GNPAT: variants seen among roughly 807,000 people sequenced by gnomAD.
The protein encoded by GNPAT is dihydroxyacetone phosphate acyltransferase.
In GNPAT, 30 loss-of-function variants were observed where a neutral mutation model predicts 78.4. The ratio of observed to expected loss-of-function variants is 0.38; its 90% CI spans 0.29 to 0.52. The LOEUF is 0.52. Ranked by LOEUF, GNPAT falls within the 20% of genes least tolerant of loss-of-function variation. The pLI is 0.84. For synonymous variants in GNPAT, 271 were observed against 281.1 expected (o/e 0.96, Z 0.36); for missense variants, 714 against 812.2 (o/e 0.88, Z 1.47).
rs550929523 is a variant in GNPAT at position 231,269,361 on chromosome 1, G to T, written c.1280-1397G>T. ...GATATTAAAGTGTTGGCCCAGATGG[G>T]GTGGTGGGTAGATGGAAAATAAAGA... On this transcript the variant is annotated intron_variant, in intron 9 of 15. Coordinates refer to ENST00000366647, the MANE Select transcript of GNPAT (RefSeq NM_014236.4). 2.3e-3 allele frequency among the ~76,000 whole-genome samples: 347 copies of T among 152,276 alleles called. 1 individual carries two copies. The highest frequency in any genetic ancestry group is 3.9e-3 in the Non-Finnish European group (263 of 68,028).
Position 231,274,007 on chromosome 1 carries a change from A to G in GNPAT, c.1688A>G (p.Asn563Ser). ...TKDILVTEKGNTVLEFLVGLF... is the reference protein window; with the variant it reads ...TKDILVTEKGSTVLEFLVGLF... ...GACATCCTAGTTACAGAGAAAGGAA[A>G]TACTGTGTTAGAATTTTTAGTAGGA... Residue 563 changes from asparagine to serine, a missense_variant, in exon 12 of 16, where the codon AAT (asparagine) becomes AGT (serine). Physicochemically the swap from Asn to Ser is conservative, Grantham distance 46. Transcript: ENST00000366647. 6.2e-7 allele frequency: 1 copy of G among 1,612,456 alleles called. No homozygotes were observed. Among genetic ancestry groups the G allele is most frequent in the Non-Finnish European group, 8.5e-7 (1 of 1,178,426 alleles).
intron 4 of GNPAT, 36 bp from the exon 5 acceptor site, chr1:231,265,257 A>G (rs1347379614): frequency 6.7e-7 from 1 of 1,487,910 alleles, no homozygotes; most frequent in Non-Finnish European, 9.4e-7. Context: ...AGAAGATTTC[A>G]AGATCTGCAA....
chr1:231,272,441 A>C, intron 11 of GNPAT, 50 bp downstream of exon 11: 1 of 978,418 alleles, frequency 1.0e-6, no homozygotes, highest in Non-Finnish European at 1.7e-6. Context: ...TGAGTTCTAG[A>C]AATGTTAGGG....
intron 1 of GNPAT, among the ~76,000 whole-genome samples, chr1:231,246,897 C>T (rs1435336861): frequency 1.3e-5 from 2 of 152,114 alleles, no homozygotes; most frequent in East Asian, 1.9e-4. Flanking sequence ...CGGCCGGGCG[C>T]GTTGGCTCAC....
chr1:231,241,343 A>C lies in GNPAT; in HGVS notation c.-36A>C. 6.4e-7 allele frequency: 1 copy of C among 1,567,432 alleles called. No individual in the cohort carries two copies. On this transcript the variant is annotated 5_prime_UTR_variant, in exon 1 of 16. Coordinates refer to ENST00000366647, the MANE Select transcript of GNPAT (RefSeq NM_014236.4). ...CAGGAGCACCACCACGGCTTAGCAA[A>C]GAATCCCAGACCCCGCCCGGGAAGG...
chr1:231,261,346 TA>T (rs1339723899), intron 3 of GNPAT, among the ~76,000 whole-genome samples: 2 of 151,962 alleles, frequency 1.3e-5, no homozygotes, highest in Non-Finnish European at 2.9e-5. Flanking sequence ...TTTTTTTTTT[TA>T]AAGAACAGGC....
intron 9 of GNPAT, 133 bp from the exon 10 acceptor site, chr1:231,270,625 A>T: frequency 3.5e-6 from 3 of 861,310 alleles, no homozygotes; most frequent in Non-Finnish European, 6.0e-6. Context: ...TCATTACCGT[A>T]ATTGGTAGAC....
In GNPAT at chr1:231,258,936, C is replaced by T. The variant is rs186520033; in HGVS notation, c.262-1571C>T. 1.6e-3 allele frequency among the ~76,000 whole-genome samples: 243 copies of T among 151,998 alleles called. No homozygotes were observed. The Middle Eastern group carries it at 0.021, about 13-fold the overall frequency. On this transcript the variant is annotated intron_variant, in intron 2 of 15. Coordinates refer to ENST00000366647, the MANE Select transcript of GNPAT (RefSeq NM_014236.4). ...ACAGGCATGAGCCACCACGCCCAGC[C>T]AACACAATTTTTTAAAAGTGGAATG...
chr1:231,265,251 G>A (rs762839027), intron 4 of GNPAT, 42 bp from the exon 5 acceptor site: 2 of 1,419,130 alleles, frequency 1.4e-6, no homozygotes, highest in South Asian at 2.3e-5. Flanking sequence ...CTTTATAGAA[G>A]ATTTCAAGAT....
intron 10 of GNPAT, among the ~76,000 whole-genome samples, chr1:231,271,870 T>A (rs971142067): frequency 6.6e-6 from 1 of 152,038 alleles, no homozygotes; most frequent in Non-Finnish European, 1.5e-5. Context: ...TGGTAGGCCG[T>A]GGTAGGAGGA....
In GNPAT at chr1:231,269,265, G is replaced by A. The variant is rs1459512355; in HGVS notation, c.1279+1362G>A. On this transcript the variant is annotated intron_variant, in intron 9 of 15. Transcript: ENST00000366647. ...ACTTTTGAACCCTTCAGGAAGACCA[G>A]GAGAGGATCCTCGCCAAGGCAGGGA... Among the ~76,000 whole-genome samples, 11 of 152,306 alleles carry A rather than the reference G, an allele frequency of 7.2e-5. 1 individual carries two copies. In the East Asian group the frequency reaches 1.9e-3, roughly 27 times the overall value.
In GNPAT at chr1:231,275,410, T is replaced by C; in HGVS notation, c.1849T>C (p.Ser617Pro). Residue 617 changes from serine (S) to proline (P), a missense_variant, in exon 14 of 16, where the codon TCT becomes CCT. Coordinates refer to ENST00000366647, the MANE Select transcript of GNPAT (RefSeq NM_014236.4). Reference protein sequence around the residue: ...FTSQLLDQGTSQCYDVLSSDV... With the variant: ...FTSQLLDQGTPQCYDVLSSDV... ...TTCCTCACCCCCAATTTTAGGTACC[T>C]CTCAATGTTATGATGTATTATCTTC... 6.2e-7 allele frequency: 1 copy of C among 1,606,174 alleles called. No homozygotes were observed. The highest frequency in any genetic ancestry group is 8.5e-7 in the Non-Finnish European group (1 of 1,172,766).
intron 10 of GNPAT, 118 bp from the exon 11 acceptor site, chr1:231,272,194 C>G (rs749278709): frequency 2.9e-6 from 2 of 684,916 alleles, no homozygotes; most frequent in Non-Finnish European, 5.5e-6. Context: ...AATTCTTGTC[C>G]CTGTTACATG....
chr1:231,248,699 TAAC>T (rs1243466309), intron 1 of GNPAT, among the ~76,000 whole-genome samples: 2 of 152,200 alleles, frequency 1.3e-5, no homozygotes, highest in African/African-American at 4.8e-5. Context: ...ACATGATGCA[TAAC>T]AACGTTTTAG....
chr1:231,245,060 C>T (rs1314480970), intron 1 of GNPAT, among the ~76,000 whole-genome samples: 3 of 152,162 alleles, frequency 2.0e-5, no homozygotes, highest in Non-Finnish European at 4.4e-5. Flanking sequence ...TTCTGTGTGG[C>T]ATGCTATGTT....
intron 2 of GNPAT, among the ~76,000 whole-genome samples, chr1:231,253,614 T>G (rs1429654874): frequency 6.6e-6 from 1 of 152,214 alleles, no homozygotes; most frequent in Non-Finnish European, 1.5e-5. Flanking sequence ...GGAGAGGCTA[T>G]CAGTTTTATC....
intron 9 of GNPAT, among the ~76,000 whole-genome samples, chr1:231,270,392 G>T (rs576632161): frequency 3.9e-5 from 6 of 151,982 alleles, no homozygotes; most frequent in Admixed American, 3.3e-4. Flanking sequence ...TTACATTCCC[G>T]TGCATGTGAC....
chr1:231,254,932 C>T (rs2102806560), intron 2 of GNPAT, among the ~76,000 whole-genome samples: 1 of 151,712 alleles, frequency 6.6e-6, no homozygotes, highest in South Asian at 2.1e-4. Context: ...TTTGTATTTT[C>T]AGTAGAGATG....
chr1:231,255,377 A>G (rs140503941), intron 2 of GNPAT, among the ~76,000 whole-genome samples: 1 of 152,180 alleles, frequency 6.6e-6, no homozygotes, highest in African/African-American at 2.4e-5. Context: ...TCTAGTTACT[A>G]TCTCTTTCTT....
Sources: allele counts gnomAD v4.1 joint callset (sites outside exome capture counted in the v4.1 genomes callset), GRCh38; gene constraint gnomAD v4.1.1; transcripts MANE v1.5; gene names NCBI Gene and HGNC (gene_info 2026-07-23, HGNC 2026-07-21).